The following PALM2AKAP2 variants were observed in gnomAD, a reference collection of about 807,000 sequenced individuals.
The protein encoded by PALM2AKAP2 is PALM2-AKAP2 fusion protein.
Under a neutral mutation model 71.5 loss-of-function variants are expected in PALM2AKAP2, and 37 were observed. The observed-to-expected ratio is 0.52, with a 90% CI of 0.40 to 0.68. The LOEUF is 0.68. PALM2AKAP2 is among the 30% of genes least tolerant of loss of function. The pLI, the probability that PALM2AKAP2 is intolerant of heterozygous loss-of-function variation, is 0.00. For synonymous variants in PALM2AKAP2, 468 were observed against 478.8 expected (o/e 0.98, Z 0.29); for missense variants, 1,224 against 1,191.8 (o/e 1.03, Z -0.40).
At chr9:109,755,743 T>G (rs1178373272) in intron 1 of PALM2AKAP2, among the ~76,000 whole-genome samples, 1 of 152,064 alleles carries the variant, frequency 6.6e-6, no homozygotes, top group South Asian at 2.1e-4. Flanking sequence ...TTTTCCATAA[T>G]GCCCTCATGA....
intron 1 of PALM2AKAP2, among the ~76,000 whole-genome samples, chr9:109,761,413 T>A (rs560235592): frequency 6.6e-6 from 1 of 152,314 alleles, no homozygotes; most frequent in South Asian, 2.1e-4. Context: ...AATGTGCAGG[T>A]TTGTTACACA....
In PALM2AKAP2 at chr9:109,841,874, G is replaced by A. The variant is rs557310563; in HGVS notation, c.46-25617G>A. ...GAGGGGAGGGTGGGGGGATGGAGGG[G>A]AGGGTAGAGAGATAGAGGAGAAGTT... On this transcript the variant is annotated intron_variant, in intron 1 of 9. Transcript: ENST00000302798. Among the ~76,000 whole-genome samples the A allele has an allele frequency of 2.8e-3, 320 of 114,070 alleles. 1 individual carries two copies. The highest frequency in any genetic ancestry group is 0.01 in the African/African-American group (303 of 29,048). 74.8% of individuals were successfully genotyped at this position (114,070 alleles called of 152,430 possible).
intron 1 of PALM2AKAP2, among the ~76,000 whole-genome samples, chr9:109,731,062 T>C (rs1828550592): frequency 6.6e-6 from 1 of 152,254 alleles, no homozygotes; most frequent in Admixed American, 6.5e-5. Flanking sequence ...GTGAATTTCT[T>C]ATTAGGAAAT....
intron 3 of PALM2AKAP2, among the ~76,000 whole-genome samples, chr9:109,901,199 T>C (rs555782699): frequency 6.6e-6 from 1 of 152,220 alleles, no homozygotes; most frequent in African/African-American, 2.4e-5. Context: ...ATTAGGAAAC[T>C]GTGACCACCT....
rs765043441 is a variant in PALM2AKAP2, at chr9:110,137,928, A to T, written c.1958A>T (p.Asp653Val). 6.8e-6 allele frequency: 11 copies of T among 1,613,942 alleles called. No homozygotes were observed. The East Asian group carries it at 2.2e-4, about 33-fold the overall frequency. Residue 653 changes from aspartate (D) to valine (V), a missense_variant, in exon 2 of 4, where the codon GAC becomes GTC. Coordinates refer to ENST00000374525, the Ensembl canonical transcript of PALM2AKAP2. ...CTGGGGGACTCTCCGTTGGTTGATG[A>T]CCCCTTGGAGTATCAGGCTGGCCTC...
At chr9:110,035,547 G>A (rs1235037096) in intron 7 of PALM2AKAP2, among the ~76,000 whole-genome samples, 1 of 141,498 alleles carries the variant, frequency 7.1e-6, no homozygotes, top group East Asian at 2.1e-4. Flanking sequence ...TATGTTGTGT[G>A]TTATATATAA....
At chr9:109,959,036 A>C (rs1831801033) in intron 6 of PALM2AKAP2, among the ~76,000 whole-genome samples, 1 of 152,106 alleles carries the variant, frequency 6.6e-6, no homozygotes, top group South Asian at 2.1e-4. Context: ...CTCCTTGGAG[A>C]CTTGGCAAAC....
rs536814787 is a variant in PALM2AKAP2 at position 110,070,597 on chromosome 9, G to A, written c.156+21742G>A. Among the ~76,000 whole-genome samples the A allele has an allele frequency of 3.9e-5, 6 of 152,302 alleles. No individual in the cohort carries two copies. The South Asian group carries it at 1.2e-3, about 32-fold the overall frequency. On this transcript the variant is annotated intron_variant, in intron 1 of 3. Coordinates refer to ENST00000374525, the Ensembl canonical transcript of PALM2AKAP2. ...AATTGTGATAAGCTGGGTATTGGCA[G>A]AAAATCTGTTTTAAAACTTAGTAGG...
At chr9:109,994,000 A>G (rs1042671356) in intron 6 of PALM2AKAP2, among the ~76,000 whole-genome samples, 1 of 151,850 alleles carries the variant, frequency 6.6e-6, no homozygotes, top group Non-Finnish European at 1.5e-5. Flanking sequence ...TATTTTCCCA[A>G]TTCAGTATTA....
At chr9:109,644,712 T>A (rs1271942686) in intron 1 of PALM2AKAP2, among the ~76,000 whole-genome samples, 6 of 152,240 alleles carry the variant, frequency 3.9e-5, no homozygotes, top group Non-Finnish European at 8.8e-5. Flanking sequence ...TAGGAATTTC[T>A]TCCACCAGAT....
chr9:109,798,417 G>A (rs1455835031), intron 1 of PALM2AKAP2, among the ~76,000 whole-genome samples: 2 of 152,210 alleles, frequency 1.3e-5, no homozygotes, highest in African/African-American at 4.8e-5. Context: ...CCAGGGGAAT[G>A]GCTAAGGGGC....
chr9:109,691,174 TACACACACACACACAC>T (rs56966509), intron 1 of PALM2AKAP2, among the ~76,000 whole-genome samples: 1 of 147,458 alleles, frequency 6.8e-6, no homozygotes, highest in Non-Finnish European at 1.5e-5. Flanking sequence ...CTTTGAATTT[TACACACACACACACAC>T]ACACACACAC....
intron 1 of PALM2AKAP2, among the ~76,000 whole-genome samples, chr9:109,851,151 T>TG (rs1189194139): frequency 6.6e-6 from 1 of 150,600 alleles, no homozygotes; most frequent in Non-Finnish European, 1.5e-5. Context: ...CACTCCAGCC[T>TG]GGGCAACAGA....
rs183008696 is a variant in PALM2AKAP2, at chr9:110,154,414, C to T, written c.2570-1905C>T. Reference sequence around the variant, plus strand: ...CAATTAAAAAGTCAATCGGAATTTTCAGAGATACATACTAAGTGTGCAGGA... The same window carrying T: ...CAATTAAAAAGTCAATCGGAATTTTTAGAGATACATACTAAGTGTGCAGGA... On this transcript the variant is annotated intron_variant, in intron 2 of 3. Coordinates refer to ENST00000374525, the Ensembl canonical transcript of PALM2AKAP2. Among the ~76,000 whole-genome samples the T allele has an allele frequency of 8.0e-3, 1,216 of 152,268 alleles. 6 individuals are homozygous for T. The highest frequency in any genetic ancestry group is 0.011 in the Non-Finnish European group (773 of 68,030).
chr9:110,167,708 TTTTTAG>T (rs1836772183), intron 3 of PALM2AKAP2, among the ~76,000 whole-genome samples: 1 of 152,218 alleles, frequency 6.6e-6, no homozygotes, highest in Non-Finnish European at 1.5e-5. Flanking sequence ...TGTAATGGCT[TTTTTAG>T]TTTAATTTTG....
intron 1 of PALM2AKAP2, among the ~76,000 whole-genome samples, chr9:109,746,657 G>A (rs1828806472): frequency 6.6e-6 from 1 of 152,160 alleles, no homozygotes; most frequent in South Asian, 2.1e-4. Flanking sequence ...GGAGGTGGAA[G>A]GGAGGTTGGT....
chr9:109,884,158 A>G (rs1829914695), intron 3 of PALM2AKAP2, among the ~76,000 whole-genome samples: 1 of 152,218 alleles, frequency 6.6e-6, no homozygotes, highest in South Asian at 2.1e-4. Context: ...TACAGAAAAG[A>G]CATTTAAAAA....
At chr9:109,906,903 G>A (rs1408607569) in intron 3 of PALM2AKAP2, among the ~76,000 whole-genome samples, 3 of 152,162 alleles carry the variant, frequency 2.0e-5, no homozygotes, top group African/African-American at 7.2e-5. Flanking sequence ...ATCATATCCT[G>A]AGCCTGATCC....
chr9:109,885,696 CTGCTTTGGGGA>C (rs1405183577), intron 3 of PALM2AKAP2, among the ~76,000 whole-genome samples: 3 of 152,262 alleles, frequency 2.0e-5, no homozygotes, highest in Admixed American at 1.3e-4. Context: ...TATGTGAAAC[CTGCTTTGGGGA>C]TTCCTGTAGG....
Sources: allele counts gnomAD v4.1 joint callset (sites outside exome capture counted in the v4.1 genomes callset), GRCh38; gene constraint gnomAD v4.1.1; transcripts MANE v1.5; gene names NCBI Gene and HGNC (gene_info 2026-07-23, HGNC 2026-07-21).